ME1: variants seen among roughly 807,000 people sequenced by gnomAD.
ME1 encodes malic enzyme 1, also known as NADP-dependent malic enzyme.
Under a neutral mutation model 66.4 loss-of-function variants are expected in ME1, and 74 were observed. That is an observed-to-expected ratio of 1.11 (90% confidence interval 0.92 to 1.35). ME1 has a LOEUF of 1.35. Among genes scored for constraint, ME1 ranks in the 40% most tolerant of loss-of-function variants. The pLI is 0.00. For synonymous variants in ME1, 251 were observed against 235.6 expected, an observed-to-expected ratio of 1.07 and a Z score of -0.60; for missense variants, 750 against 694.1, an observed-to-expected ratio of 1.08 and a Z score of -0.90.
intron 3 of ME1, chr6:83,393,076 A>T: frequency 6.9e-7 from 1 of 1,447,802 alleles, no homozygotes; most frequent in East Asian, 2.3e-5. Context: ...CCTGAGCTAA[A>T]CGGGAAGCTC....
At chr6:83,238,803 T>A (rs1023327200) in intron 8 of ME1, among the ~76,000 whole-genome samples, 1 of 148,260 alleles carries the variant, frequency 6.7e-6, no homozygotes, top group Non-Finnish European at 1.5e-5. Flanking sequence ...TTGAAAAATA[T>A]ATATATATAT....
At chr6:83,430,273 A>G (rs1352370968) in intron 1 of ME1, among the ~76,000 whole-genome samples, 1 of 152,224 alleles carries the variant, frequency 6.6e-6, no homozygotes, top group Non-Finnish European at 1.5e-5. Context: ...TTCTTCTACC[A>G]AGCCATGCAA....
At chr6:83,267,247 C>A (rs1016035621) in intron 6 of ME1, among the ~76,000 whole-genome samples, 6 of 152,098 alleles carry the variant, frequency 3.9e-5, no homozygotes, top group African/African-American at 1.4e-4. Context: ...ACCCAATAAT[C>A]CAGCAGATTA....
chr6:83,425,209 T>C (rs1770346656), intron 1 of ME1, among the ~76,000 whole-genome samples: 1 of 152,052 alleles, frequency 6.6e-6, no homozygotes, highest in Non-Finnish European at 1.5e-5. Context: ...TTTCCCAGTC[T>C]GGTCTTGAAC....
chr6:83,420,704 G>A (rs1770246985), intron 1 of ME1, among the ~76,000 whole-genome samples: 1 of 152,070 alleles, frequency 6.6e-6, no homozygotes, highest in Non-Finnish European at 1.5e-5. Context: ...ATATCTGCAA[G>A]GTAAAACAGT....
At chr6:83,374,308 G>A (rs141882242) in intron 3 of ME1, among the ~76,000 whole-genome samples, 133 of 152,234 alleles carry the variant, frequency 8.7e-4, no homozygotes, top group African/African-American at 3.1e-3. Context: ...CAGGTGTGAG[G>A]TAGTTTCTTA....
intron 3 of ME1, among the ~76,000 whole-genome samples, chr6:83,392,088 C>CA (rs1769632802): frequency 6.6e-6 from 1 of 152,212 alleles, no homozygotes; most frequent in African/African-American, 2.4e-5. Flanking sequence ...TAAAAGCTCT[C>CA]AAAAAATAAT....
intron 3 of ME1, among the ~76,000 whole-genome samples, chr6:83,371,822 A>G (rs1007187555): frequency 2.0e-5 from 3 of 152,158 alleles, no homozygotes; most frequent in Non-Finnish European, 4.4e-5. Context: ...ACGAGTGAGA[A>G]ATATGTTTTC....
chr6:83,271,562 T>TTTTTCTG, intron 6 of ME1, among the ~76,000 whole-genome samples: 1 of 152,292 alleles, frequency 6.6e-6, no homozygotes, highest in South Asian at 2.1e-4. Flanking sequence ...TAGTCACGTA[T>TTTTTCTG]TAGTCATTGT....
chr6:83,398,399 G>A lies in ME1; in HGVS notation c.330C>T (p.Cys110=), dbSNP rs199730438. Residue 110 remains cysteine (C), a synonymous_variant, in exon 3 of 14, where the codon TGC becomes TGT. Coordinates refer to ENST00000369705, the MANE Select transcript of ME1 (RefSeq NM_002395.6). ...TCCGAAACACCAAACTATATTGTTG[G>A]CAAGCCAGACCCACAGTGGGAGTAT... The part of the protein sequence containing the change: ...IVYTPTVGLA[C]QQYSLVFRKP... The A allele has an allele frequency of 1.9e-6, 3 of 1,593,474 alleles. No homozygotes were observed. The South Asian group carries it at 3.5e-5, about 18-fold the overall frequency.
At chr6:83,224,001 C>T in intron 11 of ME1, 68 bp from the exon 12 acceptor site, 1 of 1,347,174 alleles carries the variant, frequency 7.4e-7, no homozygotes, top group Non-Finnish European at 1.0e-6. Context: ...TGTATCATAA[C>T]AGAACTACCC....
At chr6:83,331,082 A>T (rs558710998) in intron 5 of ME1, among the ~76,000 whole-genome samples, 57 of 152,336 alleles carry the variant, frequency 3.7e-4, no homozygotes, top group African/African-American at 1.3e-3. Flanking sequence ...AAGAATACGC[A>T]GAAATCACAT....
rs143671674 is a variant in ME1 at position 83,350,699 on chromosome 6, G to T, written c.438+1365C>A. On this transcript the variant is annotated intron_variant, in intron 4 of 13. Transcript: ENST00000369705. Reference sequence around the variant, plus strand: ...GAGTCTCACTATGTTGCCCAGGCTGGTCTCAAACTCCTGAGCTCAAGCAAT... The same window carrying T: ...GAGTCTCACTATGTTGCCCAGGCTGTTCTCAAACTCCTGAGCTCAAGCAAT... 6.5e-3 allele frequency among the ~76,000 whole-genome samples: 995 copies of T among 152,020 alleles called. 10 individuals carry two copies. Among genetic ancestry groups the T allele is most frequent in the African/African-American group, 0.023 (943 of 41,446 alleles).
chr6:83,346,853 ATGTCC>A (rs2128543900), intron 4 of ME1, among the ~76,000 whole-genome samples: 1 of 152,254 alleles, frequency 6.6e-6, no homozygotes, highest in African/African-American at 2.4e-5. Context: ...TCTTTGAAAC[ATGTCC>A]AGTACAGTCT....
intron 2 of ME1, among the ~76,000 whole-genome samples, chr6:83,399,036 C>T (rs1055276133): frequency 2.0e-5 from 3 of 152,028 alleles, no homozygotes; most frequent in Admixed American, 1.3e-4. Context: ...CTCTGTCGCC[C>T]AGGCTGGAGT....
At position 83,216,545 on chromosome 6, in the gene ME1, G is replaced by A. The variant is rs1273873408; in HGVS notation, c.1501C>T (p.Pro501Ser). ...DKHLEEGRLY[P>S]PLNTIRDVSL... ...ACATCTCTAATGGTATTCAAAGGAG[G>A]ATAAAGCCGACCCTCTTCCAAGTGT... The change falls in exon 13 of 14, where the codon CCT (proline) becomes TCT (serine). Residue 501 changes from proline to serine, a missense_variant. Coordinates refer to ENST00000369705, the MANE Select transcript of ME1 (RefSeq NM_002395.6). 2 of 1,611,542 alleles carry A rather than the reference G, an allele frequency of 1.2e-6. No individual in the cohort carries two copies. Among genetic ancestry groups the A allele is most frequent in the African/African-American group, 2.7e-5 (2 of 74,724 alleles).
intron 6 of ME1, among the ~76,000 whole-genome samples, chr6:83,271,700 G>A (rs1215407158): frequency 1.3e-5 from 2 of 152,098 alleles, no homozygotes; most frequent in Non-Finnish European, 1.5e-5. Flanking sequence ...TACAGATTCA[G>A]AGCAATCTTG....
At chr6:83,388,276 G>T (rs1330539096) in intron 3 of ME1, among the ~76,000 whole-genome samples, 1 of 151,890 alleles carries the variant, frequency 6.6e-6, no homozygotes, top group Non-Finnish European at 1.5e-5. Context: ...TGTAAAGACG[G>T]GGTTTCACCA....
Position 83,430,865 on chromosome 6 carries a change from C to T in ME1, c.78+12G>A, listed in dbSNP as rs377703451. ...GGGGCCGATGGGCGGCCAGGTGGGC[C>T]TGCGGGTTTACCTTGTTGAGGTGAG... On this transcript the variant is annotated intron_variant, in intron 1 of 13. Coordinates refer to ENST00000369705, the MANE Select transcript of ME1 (RefSeq NM_002395.6). 3 of 1,595,430 alleles carry T rather than the reference C, an allele frequency of 1.9e-6. No homozygotes were observed. The highest frequency in any genetic ancestry group is 1.4e-5 in the African/African-American group (1 of 73,462).
Sources: allele counts gnomAD v4.1 joint callset (sites outside exome capture counted in the v4.1 genomes callset), GRCh38; gene constraint gnomAD v4.1.1; transcripts MANE v1.5; gene names NCBI Gene and HGNC (gene_info 2026-07-23, HGNC 2026-07-21).